EMILIN2: variants seen among roughly 807,000 people sequenced by gnomAD.
EMILIN2 encodes EMILIN-2.
EMILIN2 carries 71 observed loss-of-function variants against 87.1 expected under a neutral mutation model. That is an observed-to-expected ratio of 0.82 (90% CI 0.67 to 0.99). The LOEUF (loss-of-function observed/expected upper bound fraction) is 0.99. Among genes scored for constraint, EMILIN2 ranks in the 50% least tolerant of loss-of-function variants. The probability of loss-of-function intolerance (pLI) is 0.00; values close to 1 mark genes in which losing one functional copy is unlikely to be tolerated. For missense variants in EMILIN2, 1,407 were observed against 1,371.8 expected (o/e 1.03, Z -0.40); for synonymous variants, 581 against 563.4 (o/e 1.03, Z -0.44).
intron 4 of EMILIN2, among the ~76,000 whole-genome samples, chr18:2,901,925 G>A (rs1315443453): frequency 6.6e-6 from 1 of 152,148 alleles, no homozygotes; most frequent in African/African-American, 2.4e-5. Flanking sequence ...TGATGTGGCG[G>A]GCTGCTTTGG....
rs1401019462 is a variant in EMILIN2, at chr18:2,847,955, GGCGGGGCGC to G, written c.257+27_257+35del. ...GTGTAAGTCCTGGAGCCGGGGAGCG[GGCGGGGCGC>G]GCCCGGGCCGGGGCGGTGGGGGTGG... On this transcript the variant is annotated intron_variant, in intron 2 of 7. Coordinates refer to ENST00000254528, the MANE Select transcript of EMILIN2 (RefSeq NM_032048.3). This position sits in a 1 kb window ranked among gnomAD's most constrained non-coding sequence, Gnocchi z 4.5. 5.0e-6 allele frequency: 8 copies of G among 1,596,002 alleles called. No individual in the cohort carries two copies. Among genetic ancestry groups the G allele is most frequent in the Non-Finnish European group, 6.8e-6 (8 of 1,174,250 alleles).
chr18:2,915,489 A>C lies in EMILIN2; in HGVS notation c.*2085A>C, dbSNP rs683642. 1 of 151,712 alleles carries C rather than the reference A, an allele frequency of 6.6e-6. No homozygotes were observed. The highest frequency in any genetic ancestry group is 1.5e-5 in the Non-Finnish European group (1 of 68,040). 9.4% of individuals were successfully genotyped at this position (151,712 alleles called of 1,614,324 possible). A position where few individuals can be genotyped will look rare whatever the true frequency, so the allele number is the denominator to read the frequency against. On this transcript the variant is annotated 3_prime_UTR_variant, in exon 8 of 8. Transcript: ENST00000254528. ...CCTGCGAGTCAGTCAGAGGCATACCAAACCCTGAGACAGAATCAGGCACAA... is the reference window on the plus strand; with the variant it reads ...CCTGCGAGTCAGTCAGAGGCATACCCAACCCTGAGACAGAATCAGGCACAA...
chr18:2,889,097 C>CT (rs1441082655), intron 3 of EMILIN2, among the ~76,000 whole-genome samples: 7 of 134,550 alleles, frequency 5.2e-5, no homozygotes, highest in Admixed American at 1.5e-4. Context: ...TTCTTTCTTT[C>CT]TTTTTCTTTT....
At chr18:2,869,214 C>T (rs373432755) in intron 2 of EMILIN2, among the ~76,000 whole-genome samples, 1 of 151,868 alleles carries the variant, frequency 6.6e-6, no homozygotes, top group East Asian at 1.9e-4. Context: ...GAAAAGACTT[C>T]TCTGGTACTT....
chr18:2,884,246 G>A (rs1260242983), intron 2 of EMILIN2, among the ~76,000 whole-genome samples: 1 of 151,034 alleles, frequency 6.6e-6, no homozygotes, highest in Non-Finnish European at 1.5e-5. Flanking sequence ...GTGAGCCACC[G>A]CGCCCAGCCT....
intron 7 of EMILIN2, 42 bp from the exon 8 acceptor site, chr18:2,913,025 G>A (rs538881357): frequency 6.3e-7 from 1 of 1,595,488 alleles, no homozygotes; most frequent in African/African-American, 1.3e-5. Context: ...CAAGGGCTGT[G>A]ACGACAGCAG....
At chr18:2,912,145 T>C (rs2076944101) in intron 7 of EMILIN2, among the ~76,000 whole-genome samples, 1 of 151,336 alleles carries the variant, frequency 6.6e-6, no homozygotes, top group Admixed American at 6.6e-5. Context: ...TTTAAGGGAT[T>C]CTCGTGCCTC....
intron 5 of EMILIN2, 60 bp downstream of exon 5, chr18:2,907,145 C>A: frequency 8.2e-7 from 1 of 1,225,372 alleles, no homozygotes; most frequent in Non-Finnish European, 1.0e-6. Flanking sequence ...CCGCCTGAGC[C>A]TCGGGGTCTG....
chr18:2,853,839 G>A (rs1021899966), intron 2 of EMILIN2, among the ~76,000 whole-genome samples: 2 of 152,246 alleles, frequency 1.3e-5, no homozygotes, highest in Non-Finnish European at 2.9e-5. Flanking sequence ...TGGCAGGAGG[G>A]AAGGGCCTGA....
intron 2 of EMILIN2, among the ~76,000 whole-genome samples, chr18:2,865,906 A>G (rs935261332): frequency 8.5e-5 from 13 of 152,168 alleles, no homozygotes; most frequent in Admixed American, 8.5e-4. Flanking sequence ...AGCGTCGGCA[A>G]TGGCAGGTGC....
At chr18:2,892,609 T>A in intron 4 of EMILIN2, 123 bp downstream of exon 4, 1 of 1,343,484 alleles carries the variant, frequency 7.4e-7, no homozygotes, top group Non-Finnish European at 9.9e-7. Context: ...TGTGACAGTA[T>A]TATGCTAGAT....
chr18:2,891,117 G>A lies in EMILIN2; in HGVS notation c.990G>A (p.Met330Ile), dbSNP rs753273201. 1.2e-6 allele frequency: 2 copies of A among 1,614,218 alleles called. No homozygotes were observed. Among genetic ancestry groups the A allele is most frequent in the Admixed American group, 3.3e-5 (2 of 60,026 alleles). The change falls in exon 4 of 8, where the codon ATG becomes ATA. Residue 330 changes from methionine (M) to isoleucine (I), a missense_variant. Coordinates refer to ENST00000254528, the MANE Select transcript of EMILIN2 (RefSeq NM_032048.3). This position sits in a 1 kb window ranked among gnomAD's most constrained non-coding sequence, Gnocchi z 4.6. ...TCGACGCCCTGAGAGAGGAGCTCAT[G>A]GAGGGCATGGACAGAAAGCTGGCTG... ...SKIDALREEL[M>I]EGMDRKLADL...
chr18:2,912,130 A>G (rs1279013945), intron 7 of EMILIN2, among the ~76,000 whole-genome samples: 2 of 145,778 alleles, frequency 1.4e-5, no homozygotes, highest in African/African-American at 2.6e-5. Context: ...CCTCCGCCAC[A>G]TGGGTTTAAG....
intron 4 of EMILIN2, among the ~76,000 whole-genome samples, chr18:2,904,662 T>C (rs1393693080): frequency 6.6e-6 from 1 of 152,232 alleles, no homozygotes. Flanking sequence ...TCTACTTCTC[T>C]GAGGGTAGGA....
chr18:2,873,273 G>A (rs1490219231), intron 2 of EMILIN2, among the ~76,000 whole-genome samples: 1 of 152,070 alleles, frequency 6.6e-6, no homozygotes, highest in Middle Eastern at 3.4e-3. Flanking sequence ...ACCCAGACAT[G>A]GTGGCACATG....
At chr18:2,907,222 G>T in intron 5 of EMILIN2, 137 bp downstream of exon 5, 9 of 995,664 alleles carry the variant, frequency 9.0e-6, no homozygotes, top group Non-Finnish European at 1.0e-5. Flanking sequence ...GCTTTGGAAG[G>T]ATGCCGAGGC....
chr18:2,869,891 T>G (rs534863907), intron 2 of EMILIN2, among the ~76,000 whole-genome samples: 3 of 151,974 alleles, frequency 2.0e-5, no homozygotes, highest in African/African-American at 7.3e-5. Context: ...GTAAGGATAC[T>G]TCTCGGAGTT....
chr18:2,856,836 T>C (rs2076630238), intron 2 of EMILIN2, among the ~76,000 whole-genome samples: 2 of 152,196 alleles, frequency 1.3e-5, no homozygotes, highest in African/African-American at 4.8e-5. Context: ...CAAAGAACCA[T>C]TTTCCTGGGA....
chr18:2,847,074 G>T lies in EMILIN2; in HGVS notation c.-115G>T. On this transcript the variant is annotated 5_prime_UTR_variant, in exon 1 of 8. Transcript: ENST00000254528. The surrounding 1 kb of genome is among the most constrained non-coding windows in gnomAD (Gnocchi z 4.5). ...AGCACTGGTTGGAGCGCCGCGAAGCGCCCGAGCCTCTTGCCTTCGCGGGCG... is the reference window on the plus strand; with the variant it reads ...AGCACTGGTTGGAGCGCCGCGAAGCTCCCGAGCCTCTTGCCTTCGCGGGCG... The T allele has an allele frequency of 9.3e-7, 1 of 1,080,772 alleles. No individual in the cohort carries two copies. Among genetic ancestry groups the T allele is most frequent in the Non-Finnish European group, 1.1e-6 (1 of 883,678 alleles). The allele number at this position is 1,080,772 out of a possible 1,614,324, so 66.9% of individuals were successfully genotyped here.
Sources: allele counts gnomAD v4.1 joint callset (sites outside exome capture counted in the v4.1 genomes callset), GRCh38; gene constraint gnomAD v4.1.1; non-coding constraint Gnocchi (gnomAD v3.1); transcripts MANE v1.5; gene names NCBI Gene and HGNC (gene_info 2026-07-23, HGNC 2026-07-21).